MAPRE1: variants seen among roughly 807,000 people sequenced by gnomAD.
The protein encoded by MAPRE1 is microtubule-associated protein RP/EB family member 1.
A neutral mutation model predicts 32.1 loss-of-function variants in MAPRE1; 5 were observed. The ratio of observed to expected loss-of-function variants is 0.16; its 90% confidence interval spans 0.08 to 0.33. The LOEUF (loss-of-function observed/expected upper bound fraction) is 0.33. Among genes scored for constraint, MAPRE1 ranks in the 10% least tolerant of loss-of-function variants. The probability of loss-of-function intolerance (pLI) is 1.00; values close to 1 mark genes in which losing one functional copy is unlikely to be tolerated. For synonymous variants in MAPRE1, 122 were observed against 118.9 expected (o/e 1.03, Z -0.17); for missense variants, 209 against 327.2 (o/e 0.64, Z 2.79).
At chr20:32,842,347 A>C (rs1983388534) in intron 5 of MAPRE1, among the ~76,000 whole-genome samples, 1 of 152,206 alleles carries the variant, frequency 6.6e-6, no homozygotes, top group African/African-American at 2.4e-5. Flanking sequence ...AGCCTCCTAA[A>C]GTGCTAGCAT....
At chr20:32,826,195 G>A in intron 2 of MAPRE1, 147 bp downstream of exon 2, 1 of 567,288 alleles carries the variant, frequency 1.8e-6, no homozygotes, top group South Asian at 4.4e-5. Context: ...CCCTGCCTTT[G>A]CTTCTGCTTC....
In MAPRE1 at chr20:32,846,800, T is replaced by A. The variant is rs75036289; in HGVS notation, c.750+30T>A. ...GTGTTTGACATGAGGATATTTTCTT[T>A]CCATTTTACATAGAAGGGTTGGTGA... is the stretch of plus-strand genomic sequence containing the variant. On this transcript the variant is annotated intron_variant, in intron 6 of 6. Transcript: ENST00000375571. 3.8e-4 allele frequency: 617 copies of A among 1,610,618 alleles called. 5 individuals carry two copies. The East Asian group carries it at 0.014, about 36-fold the overall frequency.
At chr20:32,846,018 T>C (rs1983496212) in intron 5 of MAPRE1, among the ~76,000 whole-genome samples, 1 of 152,224 alleles carries the variant, frequency 6.6e-6, no homozygotes. Context: ...TACACTGGAA[T>C]GAAGATGCCC....
chr20:32,825,136 AGCAAGAC>A, intron 1 of MAPRE1, among the ~76,000 whole-genome samples: 1 of 150,310 alleles, frequency 6.7e-6, no homozygotes, highest in East Asian at 2.0e-4. Flanking sequence ...TGGGCACCAG[AGCAAGAC>A]TGTCTCAAAA....
intron 1 of MAPRE1, among the ~76,000 whole-genome samples, 175 bp from the exon 2 acceptor site, chr20:32,825,750 A>G (rs1242634690): frequency 6.6e-6 from 1 of 152,156 alleles, no homozygotes. Context: ...AGGTCGTGCC[A>G]CTGCACTCCA....
chr20:32,820,540 C>T (rs1453691578), intron 1 of MAPRE1, among the ~76,000 whole-genome samples: 1 of 152,148 alleles, frequency 6.6e-6, no homozygotes, highest in East Asian at 1.9e-4. Flanking sequence ...GACAGTAATA[C>T]TACCCACATT....
chr20:32,838,540 G>A (rs903136874), intron 4 of MAPRE1, among the ~76,000 whole-genome samples: 1 of 152,162 alleles, frequency 6.6e-6, no homozygotes, highest in Admixed American at 6.5e-5. Context: ...GCTAATTGCT[G>A]TGCCATGTGT....
chr20:32,827,533 T>C lies in MAPRE1; in HGVS notation c.121+1485T>C, dbSNP rs897256419. ...ACAAAAAAATGCCTTATAATTCCAC[T>C]ATTCAAGCCGGCTACTGTTCACTCA... On this transcript the variant is annotated intron_variant, in intron 2 of 6. Transcript: ENST00000375571. Among the ~76,000 whole-genome samples the C allele has an allele frequency of 4.6e-5, 7 of 152,296 alleles. 1 individual carries two copies. The highest frequency in any genetic ancestry group is 1.3e-4 in the Admixed American group (2 of 15,292).
At chr20:32,845,546 G>C (rs1031468631) in intron 5 of MAPRE1, among the ~76,000 whole-genome samples, 1 of 152,150 alleles carries the variant, frequency 6.6e-6, no homozygotes, top group African/African-American at 2.4e-5. Context: ...TATAAAGAGG[G>C]TCCTTTCTCC....
intron 2 of MAPRE1, among the ~76,000 whole-genome samples, chr20:32,832,807 C>CTTTTTTTTTT (rs35277682): frequency 8.5e-5 from 5 of 58,778 alleles, no homozygotes; most frequent in Non-Finnish European, 1.2e-4. Context: ...CAGAGTTTCG[C>CTTTTTTTTTT]TTTTTTTTTT....
chr20:32,826,312 G>A (rs1858411651), intron 2 of MAPRE1, among the ~76,000 whole-genome samples: 1 of 149,638 alleles, frequency 6.7e-6, no homozygotes, highest in South Asian at 2.1e-4. Flanking sequence ...CGCTTCCCGG[G>A]TTCACACCAT....
chr20:32,826,126 C>A, intron 2 of MAPRE1, 78 bp downstream of exon 2: 1 of 1,373,300 alleles, frequency 7.3e-7, no homozygotes, highest in Non-Finnish European at 1.0e-6. Context: ...TATCTGACTG[C>A]AAAGCCACAC....
chr20:32,837,450 C>T (rs1257505869), intron 4 of MAPRE1, among the ~76,000 whole-genome samples: 1 of 152,110 alleles, frequency 6.6e-6, no homozygotes, highest in Non-Finnish European at 1.5e-5. Context: ...CATACCTTCT[C>T]AAAAGGGTAT....
chr20:32,829,576 C>T (rs1338121000), intron 2 of MAPRE1, among the ~76,000 whole-genome samples: 1 of 152,204 alleles, frequency 6.6e-6, no homozygotes, highest in African/African-American at 2.4e-5. Flanking sequence ...ATGCTGGTGC[C>T]AGATCCTTCC....
At chr20:32,835,211 C>T (rs1341396749) in intron 3 of MAPRE1, among the ~76,000 whole-genome samples, 2 of 152,052 alleles carry the variant, frequency 1.3e-5, no homozygotes, top group Admixed American at 1.3e-4. Context: ...GGCAACAGAG[C>T]AAGACCCCAT....
chr20:32,834,087 T>G (rs891254032), intron 3 of MAPRE1, among the ~76,000 whole-genome samples: 4 of 152,378 alleles, frequency 2.6e-5, no homozygotes, highest in African/African-American at 7.2e-5. Context: ...AGTAACTGTT[T>G]AGAGGAGTCA....
chr20:32,840,005 G>A, intron 5 of MAPRE1, 149 bp downstream of exon 5: 1 of 1,127,226 alleles, frequency 8.9e-7, no homozygotes, highest in Non-Finnish European at 1.3e-6. Flanking sequence ...TGCTGTGCGG[G>A]GAGCATGAAC....
intron 5 of MAPRE1, among the ~76,000 whole-genome samples, chr20:32,843,796 A>G (rs1983427310): frequency 6.6e-6 from 1 of 150,600 alleles, no homozygotes; most frequent in Admixed American, 6.6e-5. Context: ...GGTTATAACT[A>G]TTGCTTTACC....
intron 2 of MAPRE1, among the ~76,000 whole-genome samples, chr20:32,832,695 T>G (rs1983068888): frequency 6.6e-6 from 1 of 151,968 alleles, no homozygotes; most frequent in Non-Finnish European, 1.5e-5. Context: ...CTCGAACTGC[T>G]GGACTCAAGT....
Sources: gnomAD v4.1 joint callset for allele counts (sites outside exome capture counted in the v4.1 genomes callset) on GRCh38, gnomAD v4.1.1 for gene constraint, MANE v1.5 for transcripts, NCBI Gene and HGNC (gene_info 2026-07-23, HGNC 2026-07-21) for gene names.